The following DDX60L variants were observed in gnomAD, a reference collection of about 807,000 sequenced individuals.
DDX60L encodes probable ATP-dependent RNA helicase DDX60-like.
A neutral mutation model predicts 211.6 loss-of-function variants in DDX60L; 191 were observed. The ratio of observed to expected loss-of-function variants is 0.90; its 90% CI spans 0.80 to 1.02. The LOEUF is 1.02. Among genes scored for constraint, DDX60L ranks in the 50% least tolerant of loss-of-function variants. The pLI, the probability that DDX60L is intolerant of heterozygous loss-of-function variation, is 0.00. For missense variants in DDX60L, 2,007 were observed against 1,984.1 expected, an observed-to-expected ratio of 1.01 and a Z score of -0.22; for synonymous variants, 706 against 694.1, an observed-to-expected ratio of 1.02 and a Z score of -0.27.
chr4:168,422,301 C>G (rs1417807556), intron 16 of DDX60L, among the ~76,000 whole-genome samples: 1 of 152,128 alleles, frequency 6.6e-6, no homozygotes, highest in Non-Finnish European at 1.5e-5. Flanking sequence ...CCTTCACATA[C>G]AAACAGGTAT....
At position 168,440,935 on chromosome 4, in the gene DDX60L, T is replaced by C. The variant is rs529770462; in HGVS notation, c.1294+402A>G. 6.8e-4 allele frequency among the ~76,000 whole-genome samples: 104 copies of C among 151,874 alleles called. 1 individual carries two copies. The highest frequency in any genetic ancestry group is 2.1e-3 in the African/African-American group (85 of 41,390). ...GACATTATACCGAGAGGAAAAAAGA[T>C]AGAAAGAATATACACTATATGACTC... is the stretch of plus-strand genomic sequence containing the variant. On this transcript the variant is annotated intron_variant, in intron 10 of 37. Transcript: ENST00000682922.
At chr4:168,387,637 A>G (rs569303700) in intron 29 of DDX60L, among the ~76,000 whole-genome samples, 2 of 152,326 alleles carry the variant, frequency 1.3e-5, no homozygotes, top group African/African-American at 4.8e-5. Flanking sequence ...AGAATGAAGG[A>G]AGAAGGATGC....
chr4:168,415,416 T>C lies in DDX60L; in HGVS notation c.2971A>G (p.Thr991Ala), dbSNP rs909807013. The C allele has an allele frequency of 1.3e-6, 2 of 1,598,312 alleles. No homozygotes were observed. Among genetic ancestry groups the C allele is most frequent in the Admixed American group, 3.4e-5 (2 of 58,322 alleles). The change falls in exon 22 of 38, where the codon ACA becomes GCA. Residue 991 changes from threonine (T) to alanine (A), a missense_variant. Thr to Ala is a moderately conservative substitution (Grantham distance 58). Coordinates refer to ENST00000682922, the MANE Select transcript of DDX60L (RefSeq NM_001012967.3). ...TACACTTTTATACTTACAATATCTG[T>C]CGTTAGCGCAGCACAGGGATGAAAA... ...DHFHPCAALT[T>A]DIIEKYGFPP...
At chr4:168,368,322 A>G (rs962359947) in intron 36 of DDX60L, among the ~76,000 whole-genome samples, 1 of 152,204 alleles carries the variant, frequency 6.6e-6, no homozygotes, top group African/African-American at 2.4e-5. Flanking sequence ...CATGGCTCCA[A>G]AGGGTGCAAG....
chr4:168,379,486 C>T lies in DDX60L; in HGVS notation c.4240G>A (p.Gly1414Ser). Residue 1414 changes from glycine to serine, a missense_variant, in exon 32 of 38, where the codon GGT (glycine) becomes AGT (serine). Physicochemically the swap from Gly to Ser is moderately conservative, Grantham distance 56 (BLOSUM62 0). Transcript: ENST00000682922. The part of the protein sequence containing the change: ...LIKEDYLNKK[G>S]NPKKFAGLAS... ...AGTCCTGCAAATTTCTTTGGATTAC[C>T]CTTTTTATTTAAATAGTCCTAAAAA... is the stretch of plus-strand genomic sequence containing the variant. The T allele has an allele frequency of 6.3e-7, 1 of 1,577,376 alleles. No homozygotes were observed. The highest frequency in any genetic ancestry group is 2.3e-5 in the East Asian group (1 of 44,330).
At chr4:168,473,775 C>T (rs959601685) in intron 1 of DDX60L, among the ~76,000 whole-genome samples, 3 of 152,152 alleles carry the variant, frequency 2.0e-5, no homozygotes, top group African/African-American at 7.2e-5. Flanking sequence ...CCTGATCACT[C>T]CCAAAATGAA....
intron 36 of DDX60L, among the ~76,000 whole-genome samples, chr4:168,364,813 A>C (rs936815155): frequency 1.3e-5 from 2 of 152,228 alleles, no homozygotes; most frequent in African/African-American, 4.8e-5. Context: ...GAATATAGAG[A>C]TCATATCAAG....
chr4:168,404,164 A>G (rs1398012455), intron 24 of DDX60L, 58 bp from the exon 25 acceptor site: 34 of 1,148,056 alleles, frequency 3.0e-5, no homozygotes, highest in Non-Finnish European at 3.9e-5. Context: ...GAAACAGAAG[A>G]AAGAAAGGAA....
At chr4:168,391,798 T>G (rs1462274723) in intron 28 of DDX60L, among the ~76,000 whole-genome samples, 154 bp from the exon 29 acceptor site, 4 of 152,222 alleles carry the variant, frequency 2.6e-5, no homozygotes, top group Admixed American at 2.6e-4. Context: ...TTCTTGCAAC[T>G]GCCTGATTAT....
chr4:168,401,546 A>G (rs1313200202), intron 25 of DDX60L, among the ~76,000 whole-genome samples: 2 of 152,220 alleles, frequency 1.3e-5, no homozygotes, highest in Non-Finnish European at 2.9e-5. Context: ...GGCCATGGTC[A>G]CTCATATTTG....
Position 168,361,138 on chromosome 4 carries a change from A to C in DDX60L, c.4991+11T>G. On this transcript the variant is annotated intron_variant, in intron 37 of 37. Transcript: ENST00000682922. ...AATAATTGAGAAAATCAAACTCAGC[A>C]TGAAACATACCTGATAGCCTGAATG... 1.9e-6 allele frequency: 3 copies of C among 1,593,104 alleles called. No homozygotes were observed. The highest frequency in any genetic ancestry group is 2.6e-6 in the Non-Finnish European group (3 of 1,164,428).
At chr4:168,359,566 T>C (rs910161718) in intron 37 of DDX60L, among the ~76,000 whole-genome samples, 2 of 152,238 alleles carry the variant, frequency 1.3e-5, no homozygotes, top group Non-Finnish European at 2.9e-5. Flanking sequence ...AATATGGGTA[T>C]AGCCTCCAGC....
intron 26 of DDX60L, among the ~76,000 whole-genome samples, chr4:168,399,242 AAG>A (rs1472116000): frequency 2.7e-5 from 4 of 149,434 alleles, no homozygotes; most frequent in African/African-American, 9.8e-5. Flanking sequence ...AGCTGGAGAG[AAG>A]AGAGAAGGAG....
intron 14 of DDX60L, among the ~76,000 whole-genome samples, chr4:168,425,105 T>G (rs1751242222): frequency 6.6e-6 from 1 of 152,244 alleles, no homozygotes; most frequent in Admixed American, 6.5e-5. Flanking sequence ...AATACGATGA[T>G]AGCGGAGCCT....
At chr4:168,456,348 A>G (rs965583351) in intron 6 of DDX60L, among the ~76,000 whole-genome samples, 196 bp from the exon 7 acceptor site, 5 of 152,178 alleles carry the variant, frequency 3.3e-5, no homozygotes, top group African/African-American at 4.8e-5. Context: ...AATATGCCAG[A>G]GAAATATGAA....
At chr4:168,440,427 C>T (rs889310405) in intron 10 of DDX60L, among the ~76,000 whole-genome samples, 2 of 152,226 alleles carry the variant, frequency 1.3e-5, no homozygotes, top group South Asian at 4.1e-4. Flanking sequence ...ATATTCATAA[C>T]AGTTTTACCC....
intron 37 of DDX60L, among the ~76,000 whole-genome samples, chr4:168,360,326 G>A (rs1172145349): frequency 6.6e-6 from 1 of 152,192 alleles, no homozygotes; most frequent in East Asian, 1.9e-4. Context: ...GCTACTCAAA[G>A]AGGTTGTAGC....
At chr4:168,365,473 A>C (rs572673513) in intron 36 of DDX60L, among the ~76,000 whole-genome samples, 24 of 152,094 alleles carry the variant, frequency 1.6e-4, no homozygotes, top group Non-Finnish European at 2.9e-4. Flanking sequence ...AATAAAGAAG[A>C]AATAGAAAAT....
chr4:168,409,321 C>T (rs1466518272), intron 22 of DDX60L, among the ~76,000 whole-genome samples: 2 of 152,166 alleles, frequency 1.3e-5, no homozygotes, highest in Admixed American at 6.5e-5. Flanking sequence ...GACGAAGGCA[C>T]ATGGCCAAAA....
Sources: gnomAD v4.1 joint callset for allele counts (sites outside exome capture counted in the v4.1 genomes callset) on GRCh38, gnomAD v4.1.1 for gene constraint, MANE v1.5 for transcripts, NCBI Gene and HGNC (gene_info 2026-07-23, HGNC 2026-07-21) for gene names.